The following ITGA1 variants were observed in gnomAD, a reference collection of about 807,000 sequenced individuals.
The protein encoded by ITGA1 is integrin alpha-1.
ITGA1 carries 85 observed loss-of-function variants against 145.9 expected under a neutral mutation model. That is an observed-to-expected ratio of 0.58 (90% CI 0.49 to 0.70). The LOEUF is 0.70. Among genes scored for constraint, ITGA1 ranks in the 30% least tolerant of loss-of-function variants. The pLI is 0.00. For synonymous variants in ITGA1, 520 were observed against 495.3 expected, an observed-to-expected ratio of 1.05 and a Z score of -0.66; for missense variants, 1,351 against 1,418.7, an observed-to-expected ratio of 0.95 and a Z score of 0.77.
At chr5:52,929,543 G>A (rs1750864932) in intron 20 of ITGA1, 82 bp from the exon 21 acceptor site, 1 of 708,046 alleles carries the variant, frequency 1.4e-6, no homozygotes, top group South Asian at 1.7e-5. Flanking sequence ...TTTGAGTTTA[G>A]GTAATGTCAT....
chr5:52,802,614 C>A (rs2111668625), intron 1 of ITGA1: 1 of 152,196 alleles, frequency 6.6e-6, no homozygotes, highest in South Asian at 2.1e-4. Flanking sequence ...TGTTATGTGG[C>A]TAATTAGTGG....
chr5:52,819,036 G>A (rs2111699806), intron 1 of ITGA1, among the ~76,000 whole-genome samples: 1 of 152,276 alleles, frequency 6.6e-6, no homozygotes, highest in East Asian at 1.9e-4. Flanking sequence ...TACAGTCAAA[G>A]GAGAGAGTTG....
rs200390891 is a variant in ITGA1, at chr5:52,869,828, CT to C, written c.624+4020del. Among the ~76,000 whole-genome samples, 19 of 151,174 alleles carry C rather than the reference CT, an allele frequency of 1.3e-4. 1 individual carries two copies. The highest frequency in any genetic ancestry group is 3.4e-4 in the African/African-American group (14 of 41,216). On this transcript the variant is annotated intron_variant, in intron 6 of 28. Transcript: ENST00000282588. ...TCTCTAGTATTCAGTCTTTTCTAAT[CT>C]TTTTTTTTCTATTTTGGCTTATGTT...
intron 1 of ITGA1, among the ~76,000 whole-genome samples, chr5:52,829,654 A>C (rs1032211696): frequency 6.6e-6 from 1 of 152,158 alleles, no homozygotes; most frequent in Non-Finnish European, 1.5e-5. Flanking sequence ...AGCTAATGAA[A>C]ACAGTTCAAT....
chr5:52,915,057 CT>C (rs777545380), intron 14 of ITGA1, among the ~76,000 whole-genome samples: 12 of 152,052 alleles, frequency 7.9e-5, no homozygotes, highest in Non-Finnish European at 1.0e-4. Flanking sequence ...AAATTGACCC[CT>C]AGGACAATAT....
At chr5:52,893,877 G>T in intron 9 of ITGA1, 37 bp downstream of exon 9, 4 of 1,507,342 alleles carry the variant, frequency 2.7e-6, no homozygotes, top group Non-Finnish European at 3.6e-6. Context: ...TGTTCTCTCT[G>T]CAATTCAAAA....
rs776386874 is a variant in ITGA1, at chr5:52,861,523, G to A, written c.259G>A (p.Gly87Ser). 6.2e-7 allele frequency: 1 copy of A among 1,613,666 alleles called. No individual in the cohort carries two copies. The highest frequency in any genetic ancestry group is 1.7e-5 in the Admixed American group (1 of 59,990). ...TGTCTATAAGTGTCCAGTTGGGAGAGGTGAATCATTACCTTGTGTAAAGTT... is the reference window on the plus strand; with the variant it reads ...TGTCTATAAGTGTCCAGTTGGGAGAAGTGAATCATTACCTTGTGTAAAGTT... ...GDVYKCPVGRGESLPCVKLDL... is the reference protein window; with the variant it reads ...GDVYKCPVGRSESLPCVKLDL... Residue 87 changes from glycine (G) to serine (S), a missense_variant, in exon 3 of 29, where the codon GGT (glycine) becomes AGT (serine). Gly to Ser is a moderately conservative substitution (Grantham distance 56). Coordinates refer to ENST00000282588, the MANE Select transcript of ITGA1 (RefSeq NM_181501.2).
Position 52,788,430 on chromosome 5 carries a change from T to A in ITGA1, c.61+16T>A. On this transcript the variant is annotated intron_variant, in intron 1 of 28. Coordinates refer to ENST00000282588, the MANE Select transcript of ITGA1 (RefSeq NM_181501.2). ...CTCCTCACTGGTGAGCGACTCGCTT[T>A]TCTCTGAGCATCTCCTGCTCGCGGG... The A allele has an allele frequency of 2.7e-6, 4 of 1,501,862 alleles. No homozygotes were observed. Among genetic ancestry groups the A allele is most frequent in the Non-Finnish European group, 3.5e-6 (4 of 1,127,782 alleles). 93.0% of individuals were successfully genotyped at this position (1,501,862 alleles called of 1,614,324 possible).
intron 6 of ITGA1, among the ~76,000 whole-genome samples, chr5:52,876,712 C>A (rs1056157412): frequency 6.6e-6 from 1 of 152,124 alleles, no homozygotes; most frequent in Non-Finnish European, 1.5e-5. Context: ...ATGACATAGT[C>A]CATACTCTTT....
intron 3 of ITGA1, among the ~76,000 whole-genome samples, chr5:52,862,218 C>CA (rs11323830): frequency 7.3e-4 from 70 of 96,458 alleles, no homozygotes; most frequent in East Asian, 4.8e-3. Flanking sequence ...AACTCCATCT[C>CA]AAAAAAAAAA....
chr5:52,840,738 G>C (rs1272353341), intron 1 of ITGA1, among the ~76,000 whole-genome samples: 1 of 152,134 alleles, frequency 6.6e-6, no homozygotes, highest in Non-Finnish European at 1.5e-5. Context: ...AGGATGTTTG[G>C]GAAACACTCT....
rs768984355 is a variant in ITGA1 at position 52,887,846 on chromosome 5, C to G, written c.805C>G (p.Arg269Gly). The G allele has an allele frequency of 1.9e-6, 3 of 1,612,978 alleles. No homozygotes were observed. Among genetic ancestry groups the G allele is most frequent in the Non-Finnish European group, 2.5e-6 (3 of 1,179,314 alleles). ...KEAFTEARGARRGVKKVMVIV... is the reference protein window; with the variant it reads ...KEAFTEARGAGRGVKKVMVIV... ...GGCATTCACGGAAGCCCGGGGTGCC[C>G]GAAGAGGAGTTAAAAAAGTCATGGT... Residue 269 changes from arginine (R) to glycine (G), a missense_variant, in exon 8 of 29, where the codon CGA becomes GGA. Coordinates refer to ENST00000282588, the MANE Select transcript of ITGA1 (RefSeq NM_181501.2).
intron 17 of ITGA1, among the ~76,000 whole-genome samples, chr5:52,920,912 C>A (rs984608939): frequency 6.6e-6 from 1 of 151,934 alleles, no homozygotes; most frequent in African/African-American, 2.4e-5. Flanking sequence ...AACTACATAT[C>A]TCGCCGTTTG....
intron 20 of ITGA1, among the ~76,000 whole-genome samples, chr5:52,928,951 A>T: frequency 6.6e-6 from 1 of 152,292 alleles, no homozygotes; most frequent in South Asian, 2.1e-4. Context: ...CAGACAAATG[A>T]CTTAATTTCG....
intron 1 of ITGA1, among the ~76,000 whole-genome samples, chr5:52,827,101 T>C (rs1748980635): frequency 6.6e-6 from 1 of 151,920 alleles, no homozygotes; most frequent in Non-Finnish European, 1.5e-5. Context: ...TTTTTTTTTT[T>C]TTTTTTTTGG....
intron 2 of ITGA1, among the ~76,000 whole-genome samples, chr5:52,858,861 A>G (rs1420664567): frequency 6.6e-6 from 1 of 152,170 alleles, no homozygotes; most frequent in East Asian, 1.9e-4. Context: ...TTTTATATAC[A>G]TTAACTTATT....
intron 17 of ITGA1, 55 bp downstream of exon 17, chr5:52,920,523 A>C (rs1750715493): frequency 1.5e-6 from 2 of 1,342,148 alleles, no homozygotes; most frequent in Non-Finnish European, 2.0e-6. Context: ...TACAGTAGAG[A>C]TGTCTTATTT....
intron 1 of ITGA1, among the ~76,000 whole-genome samples, chr5:52,789,893 A>G (rs1471567021): frequency 6.6e-6 from 1 of 152,230 alleles, no homozygotes; most frequent in Non-Finnish European, 1.5e-5. Context: ...GTAACAGAGA[A>G]GTTTAACAAG....
intron 26 of ITGA1, among the ~76,000 whole-genome samples, chr5:52,942,682 C>T (rs905488451): frequency 6.7e-6 from 1 of 150,224 alleles, no homozygotes; most frequent in East Asian, 2.0e-4. Flanking sequence ...AGGCACCCAC[C>T]ACCATGCCCG....
Sources: allele counts gnomAD v4.1 joint callset (sites outside exome capture counted in the v4.1 genomes callset), GRCh38; gene constraint gnomAD v4.1.1; transcripts MANE v1.5; gene names NCBI Gene and HGNC (gene_info 2026-07-23, HGNC 2026-07-21).